Variants in RYR3 observed in about 807,000 individuals in gnomAD.
RYR3 encodes the protein ryanodine receptor 3.
A neutral mutation model predicts 584.3 loss-of-function variants in RYR3; 207 were observed. The ratio of observed to expected loss-of-function variants is 0.35; its 90% CI spans 0.32 to 0.40. RYR3 has a LOEUF of 0.40. Ranked by LOEUF, RYR3 falls within the 10% of genes least tolerant of loss-of-function variation. The pLI is 1.00. For missense variants in RYR3, 5,616 were observed against 6,089.2 expected (o/e 0.92, Z 2.59); for synonymous variants, 2,416 against 2,248.5 (o/e 1.07, Z -2.11).
intron 28 of RYR3, among the ~76,000 whole-genome samples, chr15:33,645,489 G>A (rs930474793): frequency 1.3e-5 from 2 of 152,144 alleles, no homozygotes; most frequent in Non-Finnish European, 2.9e-5. Flanking sequence ...CAGTTAAATA[G>A]TAGAGACTTT....
At chr15:33,596,763 A>G (rs1408132267) in intron 16 of RYR3, among the ~76,000 whole-genome samples, 1 of 152,198 alleles carries the variant, frequency 6.6e-6, no homozygotes, top group Non-Finnish European at 1.5e-5. Flanking sequence ...CATTCCTTTC[A>G]ATGGCAAAAA....
In RYR3 at chr15:33,311,013, G is replaced by A; in HGVS notation, c.-33G>A. On this transcript the variant is annotated 5_prime_UTR_variant, in exon 1 of 104. Coordinates refer to ENST00000634891, the MANE Select transcript of RYR3 (RefSeq NM_001036.6). The surrounding 1 kb of genome is among the most constrained non-coding windows in gnomAD (Gnocchi z 4.4). ...GGCTGCCGGGGGAAGCAGAGGCGCC[G>A]GAGGCTGGGGCACCGCCGACGCCTC... The A allele has an allele frequency of 1.9e-6, 3 of 1,556,616 alleles. No homozygotes were observed. Among genetic ancestry groups the A allele is most frequent in the East Asian group, 2.5e-5 (1 of 40,028 alleles).
intron 99 of RYR3, chr15:33,858,184 A>G: frequency 2.5e-6 from 1 of 392,892 alleles, no homozygotes; most frequent in Non-Finnish European, 4.6e-6. Flanking sequence ...TCATTCATCT[A>G]TTTCCGGGGT....
At chr15:33,720,392 A>G (rs1399740297) in intron 43 of RYR3, among the ~76,000 whole-genome samples, 5 of 152,164 alleles carry the variant, frequency 3.3e-5, no homozygotes, top group Non-Finnish European at 7.3e-5. Context: ...CCCCATCCCC[A>G]TTCCTCTGAG....
chr15:33,522,292 TCA>T (rs892745580), intron 3 of RYR3, among the ~76,000 whole-genome samples: 38 of 152,094 alleles, frequency 2.5e-4, no homozygotes, highest in African/African-American at 8.9e-4. Context: ...TTTCATAGTT[TCA>T]GTTTTCACTT....
At chr15:33,628,408 C>T (rs1375126774) in intron 20 of RYR3, 63 bp from the exon 21 acceptor site, 15 of 1,205,836 alleles carry the variant, frequency 1.2e-5, no homozygotes, top group Admixed American at 1.8e-5. Context: ...GTGCCCAGCT[C>T]CTATAGATTT....
At chr15:33,560,449 G>T (rs1161485924) in intron 10 of RYR3, among the ~76,000 whole-genome samples, 3 of 37,384 alleles carry the variant, frequency 8.0e-5, no homozygotes, top group Non-Finnish European at 1.6e-4. Flanking sequence ...ACAGATCTTT[G>T]TATTTTTTTT....
intron 60 of RYR3, among the ~76,000 whole-genome samples, chr15:33,761,330 A>T (rs1428556670): frequency 6.6e-6 from 1 of 152,170 alleles, no homozygotes; most frequent in Non-Finnish European, 1.5e-5. Flanking sequence ...TTTTTTGAAA[A>T]GATTAACAAA....
chr15:33,860,555 C>G lies in RYR3; in HGVS notation c.14300-40C>G, dbSNP rs2303309. The G allele has an allele frequency of 4.6e-6, 6 of 1,294,850 alleles. No homozygotes were observed. The African/African-American group carries it at 5.8e-5, about 13-fold the overall frequency. 80.2% of individuals were successfully genotyped at this position (1,294,850 alleles called of 1,614,324 possible). Reference sequence around the variant, plus strand: ...CTTTATCATTCCTCTACCCCTGAACCACTACACAGATTGCTTTGTCTTTGT... The same window carrying G: ...CTTTATCATTCCTCTACCCCTGAACGACTACACAGATTGCTTTGTCTTTGT... On this transcript the variant is annotated intron_variant, in intron 100 of 103. Transcript: ENST00000634891.
chr15:33,591,310 C>T (rs1221312136), intron 16 of RYR3, among the ~76,000 whole-genome samples: 1 of 152,230 alleles, frequency 6.6e-6, no homozygotes, highest in African/African-American at 2.4e-5. Flanking sequence ...TTGTTCCAAT[C>T]TGCCTTCTAT....
intron 1 of RYR3, among the ~76,000 whole-genome samples, chr15:33,417,637 A>G (rs2043912637): frequency 6.6e-6 from 1 of 152,164 alleles, no homozygotes; most frequent in Admixed American, 6.5e-5. Context: ...GAAGAGAGAT[A>G]ATTTGACTTC....
At chr15:33,493,595 A>T (rs1307633998) in intron 2 of RYR3, among the ~76,000 whole-genome samples, 1 of 152,208 alleles carries the variant, frequency 6.6e-6, no homozygotes, top group Non-Finnish European at 1.5e-5. Flanking sequence ...AAGGGTTCCA[A>T]CTTTTCACCT....
chr15:33,862,038 T>C (rs751115804), intron 102 of RYR3, among the ~76,000 whole-genome samples: 3 of 152,174 alleles, frequency 2.0e-5, no homozygotes, highest in African/African-American at 4.8e-5. Flanking sequence ...CTTGAACCTA[T>C]TGGGTGCTAG....
chr15:33,726,577 C>T (rs1180919682), intron 46 of RYR3, 71 bp downstream of exon 46: 3 of 1,468,046 alleles, frequency 2.0e-6, no homozygotes, highest in Non-Finnish European at 2.7e-6. Flanking sequence ...GACTCTGTCC[C>T]CAGCACAGTG....
intron 10 of RYR3, among the ~76,000 whole-genome samples, chr15:33,556,222 C>T (rs1026305913): frequency 6.6e-6 from 1 of 152,184 alleles, no homozygotes; most frequent in African/African-American, 2.4e-5. Context: ...ACACATTTCA[C>T]TCTAATTAAT....
chr15:33,740,843 C>T (rs1415609373), intron 51 of RYR3, among the ~76,000 whole-genome samples: 3 of 152,204 alleles, frequency 2.0e-5, no homozygotes, highest in Middle Eastern at 3.2e-3. Flanking sequence ...GTGTAACATT[C>T]GTCTTTGGGA....
At chr15:33,804,302 A>T (rs950565686) in intron 69 of RYR3, among the ~76,000 whole-genome samples, 1 of 152,224 alleles carries the variant, frequency 6.6e-6, no homozygotes, top group Non-Finnish European at 1.5e-5. Context: ...TAGATGTTGA[A>T]TAATAGTTGC....
chr15:33,522,623 A>G (rs1364063893), intron 3 of RYR3, among the ~76,000 whole-genome samples: 3 of 152,148 alleles, frequency 2.0e-5, no homozygotes, highest in Admixed American at 2.0e-4. Flanking sequence ...AGCTCAGGAG[A>G]AGGAGGGTTT....
chr15:33,756,310 C>A lies in RYR3; in HGVS notation c.8520C>A (p.Ala2840=). 6.3e-7 allele frequency: 1 copy of A among 1,575,690 alleles called. No homozygotes were observed. Among genetic ancestry groups the A allele is most frequent in the Non-Finnish European group, 8.6e-7 (1 of 1,159,464 alleles). Reference sequence around the variant, plus strand: ...GTGTTACCTGTGTCTTCGTAGAAGCCATTGTCAGCAGTGGGAAAACTGAAA... The same window carrying A: ...GTGTTACCTGTGTCTTCGTAGAAGCAATTGTCAGCAGTGGGAAAACTGAAA... ...SAQEFIAHLE[A]IVSSGKTEKS... is the part of the protein sequence containing the mutation. Residue 2840 remains alanine (A), a synonymous_variant, in exon 59 of 104, where the codon GCC becomes GCA. Coordinates refer to ENST00000634891, the MANE Select transcript of RYR3 (RefSeq NM_001036.6).
Sources: gnomAD v4.1 joint callset for allele counts (sites outside exome capture counted in the v4.1 genomes callset) on GRCh38, gnomAD v4.1.1 for gene constraint, Gnocchi (gnomAD v3.1) non-coding constraint, MANE v1.5 for transcripts, NCBI Gene and HGNC (gene_info 2026-07-23, HGNC 2026-07-21) for gene names.